The following WDR47 variants were observed in gnomAD, a reference collection of about 807,000 sequenced individuals.
The protein encoded by WDR47 is WD repeat domain 47, also known as WD repeat-containing protein 47.
A neutral mutation model predicts 97.2 loss-of-function variants in WDR47; 32 were observed. The observed-to-expected ratio is 0.33, with a 90% CI of 0.25 to 0.44. The LOEUF (loss-of-function observed/expected upper bound fraction) is 0.44. Among genes scored for constraint, WDR47 ranks in the 20% least tolerant of loss-of-function variants. The pLI is 1.00. For missense variants in WDR47, 782 were observed against 1,102.3 expected (o/e 0.71, Z 4.11); for synonymous variants, 375 against 373.5 (o/e 1.00, Z -0.05).
At position 109,004,585 on chromosome 1, in the gene WDR47, A is replaced by G. The variant is rs1156844680; in HGVS notation, c.1254+7T>C. 6.2e-7 allele frequency: 1 copy of G among 1,609,260 alleles called. No individual in the cohort carries two copies. The highest frequency in any genetic ancestry group is 2.2e-5 in the East Asian group (1 of 44,794). ...CTCTGAAAAACACTAGGTTTAGTAA[A>G]TATTACCTCATTTTTTTCTTGTTTA... On this transcript the variant is annotated splice_region_variant and intron_variant, in intron 6 of 14. Transcript: ENST00000369962.
rs34705732 is a variant in WDR47 at position 109,020,083 on chromosome 1, T to TA, written c.159-2483dup. Among the ~76,000 whole-genome samples, 249 of 149,274 alleles carry TA rather than the reference T, an allele frequency of 1.7e-3. 2 individuals carry two copies. Among genetic ancestry groups the TA allele is most frequent in the African/African-American group, 4.5e-3 (185 of 40,738 alleles). ...GCAATATAGCAAGATCCTACCTTTA[T>TA]AAAAAAAAAATTAACATAAAGAAAT... On this transcript the variant is annotated intron_variant, in intron 2 of 14. Coordinates refer to ENST00000369962, the MANE Select transcript of WDR47 (RefSeq NM_001142551.2).
chr1:109,039,596 C>T (rs1663206224), intron 1 of WDR47, among the ~76,000 whole-genome samples: 1 of 152,122 alleles, frequency 6.6e-6, no homozygotes, highest in East Asian at 1.9e-4. Flanking sequence ...TTCACTTGAA[C>T]AGAAACAAAC....
chr1:108,995,766 T>C lies in WDR47; in HGVS notation c.1505A>G (p.Gln502Arg). The change falls in exon 8 of 15, where the codon CAG (glutamine) becomes CGG (arginine). Residue 502 changes from glutamine (Q) to arginine (R), a missense_variant. Gln to Arg is a conservative substitution (Grantham distance 43). Transcript: ENST00000369962. Reference protein sequence around the residue: ...GLGNEVSALNQQCNGSKGNGS... With the variant: ...GLGNEVSALNRQCNGSKGNGS... ...ATTGCCTTTGCTCCCATTACATTGC[T>C]GGTTGAGTGCTGATACCTCATTACC... 5.0e-6 allele frequency: 8 copies of C among 1,614,184 alleles called. No homozygotes were observed. The highest frequency in any genetic ancestry group is 6.8e-6 in the Non-Finnish European group (8 of 1,180,020).
intron 5 of WDR47, 106 bp from the exon 6 acceptor site, chr1:109,004,821 A>G: frequency 1.5e-6 from 2 of 1,324,046 alleles, no homozygotes; most frequent in South Asian, 1.8e-5. Flanking sequence ...TTTGAGATGG[A>G]GTCTCTCTCT....
chr1:109,008,983 G>A lies in WDR47; in HGVS notation c.1130+1933C>T, dbSNP rs1660839059. Among the ~76,000 whole-genome samples the A allele has an allele frequency of 2.0e-5, 3 of 152,202 alleles. No homozygotes were observed. The South Asian group carries it at 6.2e-4, about 32-fold the overall frequency. On this transcript the variant is annotated intron_variant, in intron 5 of 14. Coordinates refer to ENST00000369962, the MANE Select transcript of WDR47 (RefSeq NM_001142551.2). ...GCCTGTAATCCCAGCTACTCGGGAGGCTGAGGCAGGAGAATCGCTTGAACC... is the reference window on the plus strand; with the variant it reads ...GCCTGTAATCCCAGCTACTCGGGAGACTGAGGCAGGAGAATCGCTTGAACC...
intron 13 of WDR47, 75 bp from the exon 14 acceptor site, chr1:108,974,829 T>C: frequency 7.4e-6 from 8 of 1,082,710 alleles, no homozygotes; most frequent in South Asian, 1.4e-5. Context: ...ATTATGTCCA[T>C]TGAACCATAT....
intron 14 of WDR47, among the ~76,000 whole-genome samples, chr1:108,972,677 C>G (rs1473987623): frequency 6.6e-6 from 1 of 152,176 alleles, no homozygotes; most frequent in Non-Finnish European, 1.5e-5. Context: ...CGCGGTGGCT[C>G]ACGCCTGTAA....
chr1:109,016,375 C>T (rs1179346860), intron 3 of WDR47, among the ~76,000 whole-genome samples: 2 of 152,110 alleles, frequency 1.3e-5, no homozygotes, highest in Admixed American at 1.3e-4. Flanking sequence ...GCACTCCAGC[C>T]TGGGCAACAG....
chr1:109,041,475 G>A (rs1405765574), intron 1 of WDR47: 1 of 152,254 alleles, frequency 6.6e-6, no homozygotes, highest in African/African-American at 2.4e-5. Flanking sequence ...CTCGACCAAG[G>A]GGCGAGGAAG....
At position 109,032,475 on chromosome 1, in the gene WDR47, T is replaced by C. The variant is rs1196891481; in HGVS notation, c.-9-8954A>G. ...GTGAGCTGAGATCGCAGCACTGCAC[T>C]CCAGCTTGGGCGACAGAGCGAGACT... is the stretch of plus-strand genomic sequence containing the variant. On this transcript the variant is annotated intron_variant, in intron 1 of 14. Transcript: ENST00000369962. Among the ~76,000 whole-genome samples, 21 of 82,264 alleles carry C rather than the reference T, an allele frequency of 2.6e-4. 3 individuals carry two copies. In the East Asian group the frequency reaches 6.4e-3, roughly 25 times the overall value. The allele number at this position is 82,264 out of a possible 152,430, so 54.0% of individuals were successfully genotyped here. A position where few individuals can be genotyped will look rare whatever the true frequency, so the allele number is the denominator to read the frequency against.
At chr1:109,038,496 T>A (rs6604758) in intron 1 of WDR47, among the ~76,000 whole-genome samples, 16,058 of 151,798 alleles carry the variant, frequency 0.11, 978 homozygotes, top group African/African-American at 0.16. Flanking sequence ...CTGGGCAACA[T>A]GGCAAAACCC....
chr1:109,028,581 G>C (rs187430839), intron 1 of WDR47, among the ~76,000 whole-genome samples: 1 of 150,618 alleles, frequency 6.6e-6, no homozygotes, highest in East Asian at 2.0e-4. Flanking sequence ...AAGCAATCCA[G>C]CTATTTAGCC....
intron 2 of WDR47, among the ~76,000 whole-genome samples, chr1:109,017,804 T>C (rs536379985): frequency 6.6e-6 from 1 of 151,500 alleles, no homozygotes; most frequent in Non-Finnish European, 1.5e-5. Flanking sequence ...TGGAGTGCAA[T>C]GGCACAATCT....
At position 109,004,940 on chromosome 1, in the gene WDR47, G is replaced by A. The variant is rs1210766032; in HGVS notation, c.1131-225C>T. Among the ~76,000 whole-genome samples, 4 of 152,024 alleles carry A rather than the reference G, an allele frequency of 2.6e-5. No individual in the cohort carries two copies. The East Asian group carries it at 7.7e-4, about 29-fold the overall frequency. On this transcript the variant is annotated intron_variant, in intron 5 of 14. Transcript: ENST00000369962. ...AGAGCAGTTGGGATTACAAGTGCCTGCCACCACACCCGCCTAATTTTTTGT... is the reference window on the plus strand; with the variant it reads ...AGAGCAGTTGGGATTACAAGTGCCTACCACCACACCCGCCTAATTTTTTGT...
chr1:109,010,499 G>A (rs777033384), intron 5 of WDR47, among the ~76,000 whole-genome samples: 1 of 152,018 alleles, frequency 6.6e-6, no homozygotes, highest in Non-Finnish European at 1.5e-5. Context: ...CTCCAGCCTG[G>A]GTGACAGAGC....
chr1:109,022,319 ATAT>A (rs558861208), intron 2 of WDR47, among the ~76,000 whole-genome samples: 17 of 152,312 alleles, frequency 1.1e-4, no homozygotes, highest in East Asian at 9.6e-4. Flanking sequence ...AATAAGAACA[ATAT>A]TATGTCTGTG....
chr1:109,007,914 C>T (rs1660738817), intron 5 of WDR47, among the ~76,000 whole-genome samples: 1 of 151,954 alleles, frequency 6.6e-6, no homozygotes, highest in African/African-American at 2.4e-5. Flanking sequence ...CCAGCCTGGC[C>T]AAGATGGTGA....
intron 14 of WDR47, 151 bp downstream of exon 14, chr1:108,974,384 AT>A: frequency 1.6e-6 from 1 of 639,354 alleles, no homozygotes. Context: ...ATAATTTGCT[AT>A]TATATATCTT....
At chr1:109,025,064 T>C (rs1340968409) in intron 1 of WDR47, 1 of 152,126 alleles carries the variant, frequency 6.6e-6, no homozygotes, top group Admixed American at 6.6e-5. Flanking sequence ...TACTTTTGGG[T>C]TGATTTTTTT....
Sources: gnomAD v4.1 joint callset for allele counts (sites outside exome capture counted in the v4.1 genomes callset) on GRCh38, gnomAD v4.1.1 for gene constraint, MANE v1.5 for transcripts, NCBI Gene and HGNC (gene_info 2026-07-23, HGNC 2026-07-21) for gene names.